Variants in RAP1GDS1 observed in about 807,000 individuals in gnomAD.
RAP1GDS1 encodes Rap1 GTPase-GDP dissociation stimulator 1.
RAP1GDS1 carries 35 observed loss-of-function variants against 71.1 expected under a neutral mutation model. That is an observed-to-expected ratio of 0.49 (90% CI 0.38 to 0.65). The LOEUF (loss-of-function observed/expected upper bound fraction) is 0.65, where lower values mean the gene tolerates loss of function less well. Ranked by LOEUF, RAP1GDS1 falls within the 30% of genes least tolerant of loss-of-function variation. RAP1GDS1 has a pLI of 0.00. For missense variants in RAP1GDS1, 663 were observed against 706.1 expected (o/e 0.94, Z 0.69); for synonymous variants, 229 against 243.1 (o/e 0.94, Z 0.54).
intron 4 of RAP1GDS1, among the ~76,000 whole-genome samples, chr4:98,363,169 A>G (rs560537939): frequency 4.6e-5 from 7 of 152,202 alleles, no homozygotes; most frequent in Admixed American, 6.5e-5. Context: ...CAGCTAAGAG[A>G]AGAGGAAGAA....
At chr4:98,418,133 T>A (rs1748281842) in intron 9 of RAP1GDS1, among the ~76,000 whole-genome samples, 1 of 152,202 alleles carries the variant, frequency 6.6e-6, no homozygotes, top group African/African-American at 2.4e-5. Flanking sequence ...GCTTACTTGC[T>A]CCATTTTTAC....
chr4:98,351,441 G>T (rs1737174877), intron 3 of RAP1GDS1, among the ~76,000 whole-genome samples: 1 of 152,164 alleles, frequency 6.6e-6, no homozygotes, highest in South Asian at 2.1e-4. Flanking sequence ...TGAAGGGAAA[G>T]AGAGGGAGGA....
intron 1 of RAP1GDS1, among the ~76,000 whole-genome samples, chr4:98,284,238 T>C (rs754604285): frequency 6.6e-6 from 1 of 152,128 alleles, no homozygotes; most frequent in Non-Finnish European, 1.5e-5. Context: ...TTTTTTCCCC[T>C]TTTATTTTAG....
At chr4:98,395,559 GTCATTTTC>G (rs1744407234) in intron 6 of RAP1GDS1, among the ~76,000 whole-genome samples, 1 of 152,130 alleles carries the variant, frequency 6.6e-6, no homozygotes, top group Admixed American at 6.6e-5. Flanking sequence ...ATTTAATCCA[GTCATTTTC>G]TCATTTGGGA....
chr4:98,351,475 A>G (rs1737177878), intron 3 of RAP1GDS1, among the ~76,000 whole-genome samples: 1 of 152,172 alleles, frequency 6.6e-6, no homozygotes, highest in Admixed American at 6.5e-5. Context: ...TACCTGTGGA[A>G]CAAACCAAGG....
intron 2 of RAP1GDS1, among the ~76,000 whole-genome samples, chr4:98,301,520 A>T (rs1261494120): frequency 6.6e-6 from 1 of 152,170 alleles, no homozygotes; most frequent in Non-Finnish European, 1.5e-5. Context: ...CAGCATAACT[A>T]GGAGACAGAC....
At chr4:98,420,260 A>G in intron 11 of RAP1GDS1, 116 bp downstream of exon 11, 1 of 1,059,718 alleles carries the variant, frequency 9.4e-7, no homozygotes, top group Non-Finnish European at 1.2e-6. Context: ...AAAATAGCAA[A>G]TAAAAGATTT....
chr4:98,433,307 T>G (rs10027925), intron 12 of RAP1GDS1, among the ~76,000 whole-genome samples: 6,382 of 152,188 alleles, frequency 0.042, 316 homozygotes, highest in African/African-American at 0.12. Flanking sequence ...AACTTTTTTT[T>G]TTTTAAGAGG....
chr4:98,279,074 A>T (rs1724659236), intron 1 of RAP1GDS1, among the ~76,000 whole-genome samples: 1 of 152,066 alleles, frequency 6.6e-6, no homozygotes, highest in African/African-American at 2.4e-5. Context: ...TACAAAAAAA[A>T]TTAGCTGGGC....
chr4:98,335,043 G>T (rs545529125), intron 2 of RAP1GDS1, among the ~76,000 whole-genome samples: 20 of 151,810 alleles, frequency 1.3e-4, no homozygotes, highest in African/African-American at 4.1e-4. Context: ...GATTTTCCTC[G>T]ATATACTTGG....
chr4:98,285,739 T>G (rs1458519632), intron 1 of RAP1GDS1, among the ~76,000 whole-genome samples: 1 of 149,978 alleles, frequency 6.7e-6, no homozygotes, highest in Non-Finnish European at 1.5e-5. Context: ...ATTTCTGTTA[T>G]GTAGTACATA....
intron 4 of RAP1GDS1, among the ~76,000 whole-genome samples, chr4:98,377,157 C>T (rs1394907838): frequency 6.6e-6 from 1 of 151,752 alleles, no homozygotes; most frequent in East Asian, 1.9e-4. Flanking sequence ...CTAAGTAAGT[C>T]CTAAGCATAC....
At chr4:98,277,772 G>T (rs943672591) in intron 1 of RAP1GDS1, among the ~76,000 whole-genome samples, 1 of 152,166 alleles carries the variant, frequency 6.6e-6, no homozygotes, top group African/African-American at 2.4e-5. Flanking sequence ...TTTAGGTCAT[G>T]CTACTACTCT....
chr4:98,393,229 A>C (rs937473076), intron 6 of RAP1GDS1, among the ~76,000 whole-genome samples: 1 of 152,142 alleles, frequency 6.6e-6, no homozygotes, highest in African/African-American at 2.4e-5. Flanking sequence ...TGATTTTAAC[A>C]TTTTACTTTT....
intron 1 of RAP1GDS1, among the ~76,000 whole-genome samples, chr4:98,279,360 A>G (rs1205862326): frequency 2.0e-5 from 3 of 151,954 alleles, no homozygotes; most frequent in Non-Finnish European, 4.4e-5. Context: ...AAAGAATTAC[A>G]TAAATGATAT....
At chr4:98,276,055 C>T (rs1304561932) in intron 1 of RAP1GDS1, among the ~76,000 whole-genome samples, 1 of 151,936 alleles carries the variant, frequency 6.6e-6, no homozygotes, top group Non-Finnish European at 1.5e-5. Flanking sequence ...TTTTTTCCCA[C>T]AGTTCTGGTG....
At position 98,298,290 on chromosome 4, in the gene RAP1GDS1, G is replaced by A. The variant is rs967030193; in HGVS notation, c.112+4775G>A. Among the ~76,000 whole-genome samples the A allele has an allele frequency of 2.0e-5, 3 of 152,304 alleles. No individual in the cohort carries two copies. The East Asian group carries it at 5.8e-4, about 29-fold the overall frequency. ...TCTAGCTAAAATCATTGATGAAGGA[G>A]GAGGCTGTGCTAAACAACAGATTTT... On this transcript the variant is annotated intron_variant, in intron 2 of 14. Transcript: ENST00000408927.
chr4:98,265,726 A>C (rs1041443220), intron 1 of RAP1GDS1, among the ~76,000 whole-genome samples: 1 of 152,170 alleles, frequency 6.6e-6, no homozygotes, highest in Non-Finnish European at 1.5e-5. Flanking sequence ...ATGATTTCAC[A>C]CTGAAAAACA....
At chr4:98,397,008 G>A (rs1228544667) in intron 6 of RAP1GDS1, 4 of 152,236 alleles carry the variant, frequency 2.6e-5, no homozygotes, top group East Asian at 3.9e-4. Context: ...GGGACAGAAA[G>A]GAAAATACAG....
Sources: gnomAD v4.1 joint callset for allele counts (sites outside exome capture counted in the v4.1 genomes callset) on GRCh38, gnomAD v4.1.1 for gene constraint, MANE v1.5 for transcripts, NCBI Gene and HGNC (gene_info 2026-07-23, HGNC 2026-07-21) for gene names.